MTA2: variants seen among roughly 807,000 people sequenced by gnomAD.
MTA2 encodes metastasis associated 1 family member 2, also known as metastasis-associated protein MTA2.
MTA2 carries 22 observed loss-of-function variants against 87.1 expected under a neutral mutation model. The observed-to-expected ratio is 0.25, with a 90% CI of 0.18 to 0.36. The LOEUF (loss-of-function observed/expected upper bound fraction) is 0.36, where lower values mean the gene tolerates loss of function less well. Among genes scored for constraint, MTA2 ranks in the 10% least tolerant of loss-of-function variants. The probability of loss-of-function intolerance (pLI) is 1.00; values close to 1 mark genes in which losing one functional copy is unlikely to be tolerated. For missense variants in MTA2, 542 were observed against 853.2 expected, an observed-to-expected ratio of 0.64 and a Z score of 4.54; for synonymous variants, 314 against 310.1, an observed-to-expected ratio of 1.01 and a Z score of -0.13.
In MTA2 at chr11:62,595,702, C is replaced by A; in HGVS notation, c.1254+50G>T. The A allele has an allele frequency of 6.2e-7, 1 of 1,603,794 alleles. No individual in the cohort carries two copies. Among genetic ancestry groups the A allele is most frequent in the South Asian group, 1.1e-5 (1 of 89,900 alleles). On this transcript the variant is annotated intron_variant, in intron 13 of 17. Coordinates refer to ENST00000278823, the MANE Select transcript of MTA2 (RefSeq NM_004739.4). This position sits in a 1 kb window ranked among gnomAD's most constrained non-coding sequence, Gnocchi z 4.9. ...TATTCTGGCCTTCACCTAAGCTCAC[C>A]ATCAATATGCTTACTGCTCTCCCCT...
chr11:62,593,680 C>T lies in MTA2; in HGVS notation c.*195G>A, dbSNP rs1301854289. 3.5e-5 allele frequency: 22 copies of T among 637,344 alleles called. No individual in the cohort carries two copies. The Admixed American group carries it at 3.8e-4, about 11-fold the overall frequency. The allele number at this position is 637,344 out of a possible 1,614,324, so 39.5% of individuals were successfully genotyped here. A position where few individuals can be genotyped will look rare whatever the true frequency, so the allele number is the denominator to read the frequency against. On this transcript the variant is annotated 3_prime_UTR_variant, in exon 18 of 18. Transcript: ENST00000278823. ...CAAGTTCCTGCAGTCTGTCCTCCAT[C>T]GGCAAGCATGGAGGCATGAGACAAG...
In MTA2 at chr11:62,595,041, T is replaced by C. The variant is rs1942078860; in HGVS notation, c.1513A>G (p.Thr505Ala). ...ACCAGAGGGTGAATCTTCAATGGAG[T>C]CTTGGCGGCCTTAGGAAGTCGAATG... ...CSIRLPKAAK[T>A]PLKIHPLVRL... The change falls in exon 15 of 18, where the codon ACT (threonine) becomes GCT (alanine). Residue 505 changes from threonine to alanine, a missense_variant. Coordinates refer to ENST00000278823, the MANE Select transcript of MTA2 (RefSeq NM_004739.4). This position sits in a 1 kb window ranked among gnomAD's most constrained non-coding sequence, Gnocchi z 4.9. 2 of 1,613,928 alleles carry C rather than the reference T, an allele frequency of 1.2e-6. No individual in the cohort carries two copies. The highest frequency in any genetic ancestry group is 8.5e-7 in the Non-Finnish European group (1 of 1,180,024).
chr11:62,594,230 C>G, intron 17 of MTA2, 29 bp downstream of exon 17: 1 of 1,613,698 alleles, frequency 6.2e-7, no homozygotes. Context: ...GACTGTCCCT[C>G]TCAGCCCCTC....
Position 62,595,693 on chromosome 11 carries a change from T to G in MTA2, c.1254+59A>C. 4.4e-6 allele frequency: 7 copies of G among 1,600,084 alleles called. No individual in the cohort carries two copies. The highest frequency in any genetic ancestry group is 6.0e-6 in the Non-Finnish European group (7 of 1,171,906). ...AGAGTTGAATATTCTGGCCTTCACC[T>G]AAGCTCACCATCAATATGCTTACTG... On this transcript the variant is annotated intron_variant, in intron 13 of 17. Coordinates refer to ENST00000278823, the MANE Select transcript of MTA2 (RefSeq NM_004739.4). The surrounding 1 kb of genome is among the most constrained non-coding windows in gnomAD (Gnocchi z 4.9).
At position 62,595,445 on chromosome 11, in the gene MTA2, G is replaced by C; in HGVS notation, c.1302C>G (p.Leu434=). 6.2e-7 allele frequency: 1 copy of C among 1,614,248 alleles called. No homozygotes were observed. The highest frequency in any genetic ancestry group is 1.1e-5 in the South Asian group (1 of 91,090). Residue 434 remains leucine (L), a synonymous_variant, in exon 14 of 18, where the codon CTC becomes CTG. Coordinates refer to ENST00000278823, the MANE Select transcript of MTA2 (RefSeq NM_004739.4). This position sits in a 1 kb window ranked among gnomAD's most constrained non-coding sequence, Gnocchi z 4.9. Reference sequence around the variant, plus strand: ...TGTTGGCGCTGGTTGTGTAAGGAGAGAGACTTTGAGCTTCAGGTCTGGATA... The same window carrying C: ...TGTTGGCGCTGGTTGTGTAAGGAGACAGACTTTGAGCTTCAGGTCTGGATA... The part of the protein sequence containing the change: ...GHLSRPEAQS[L]SPYTTSANRA...
intron 15 of MTA2, 90 bp downstream of exon 15, chr11:62,594,891 C>G: frequency 8.3e-7 from 1 of 1,207,064 alleles, no homozygotes; most frequent in Non-Finnish European, 1.2e-6. Flanking sequence ...TCTGAGGACA[C>G]TATGAGGAAG....
chr11:62,594,393 C>G lies in MTA2; in HGVS notation c.1707G>C (p.Gly569=). The change falls in exon 17 of 18, where the codon GGG becomes GGC. Residue 569 remains glycine, a synonymous_variant. Coordinates refer to ENST00000278823, the MANE Select transcript of MTA2 (RefSeq NM_004739.4). ...GCCTTCCATTGGCAGAGAAAGGAAC[C>G]CCTGCCCCTGCCATCTGGAAAAGGG... is the stretch of plus-strand genomic sequence containing the variant. ...KRAYETMAGA[G]VPFSANGRPL... 1.9e-6 allele frequency: 3 copies of G among 1,614,160 alleles called. No homozygotes were observed. The highest frequency in any genetic ancestry group is 1.1e-5 in the South Asian group (1 of 91,082).
chr11:62,597,580 GC>G, intron 7 of MTA2, 29 bp downstream of exon 7: 2 of 1,596,244 alleles, frequency 1.3e-6, no homozygotes, highest in South Asian at 2.2e-5. Context: ...ACCTCCCCCA[GC>G]CCATCTTCCC....
chr11:62,601,825 T>TTCCGGAACACCTTCGGCCGA lies in MTA2; in HGVS notation c.-395_-376dup. 2.0e-6 allele frequency: 1 copy of TTCCGGAACACCTTCGGCCGA among 499,690 alleles called. No homozygotes were observed. Among genetic ancestry groups the TTCCGGAACACCTTCGGCCGA allele is most frequent in the Non-Finnish European group, 3.5e-6 (1 of 286,994 alleles). The allele number at this position is 499,690 out of a possible 1,614,324, so 31.0% of individuals were successfully genotyped here. On this transcript the variant is annotated 5_prime_UTR_variant, in exon 1 of 18. Coordinates refer to ENST00000278823, the MANE Select transcript of MTA2 (RefSeq NM_004739.4). The stretch of plus-strand genomic sequence containing the variant: ...CGGGCCCGCCTCAGGGTTCGCCTCC[T>TTCCGGAACACCTTCGGCCGA]TCCGGAACACCTTCGGCCGATCCGG...
Position 62,595,145 on chromosome 11 carries a change from T to C in MTA2, c.1484-75A>G. 6.4e-7 allele frequency: 1 copy of C among 1,556,880 alleles called. No individual in the cohort carries two copies. The highest frequency in any genetic ancestry group is 8.8e-7 in the Non-Finnish European group (1 of 1,137,270). On this transcript the variant is annotated intron_variant, in intron 14 of 17. Coordinates refer to ENST00000278823, the MANE Select transcript of MTA2 (RefSeq NM_004739.4). The surrounding 1 kb of genome is among the most constrained non-coding windows in gnomAD (Gnocchi z 4.9). ...CTCTAAGGCCAGAAGCCAACTCTAA[T>C]CTTAAAAAAATTATCTGTGGCCTAC...
At chr11:62,599,299 G>C (rs1286222694) in intron 3 of MTA2, 1 of 152,588 alleles carries the variant, frequency 6.6e-6, no homozygotes, top group Middle Eastern at 3.1e-3. Flanking sequence ...CAACCTCAGG[G>C]AGAAGGGGGG....
chr11:62,596,555 G>A (rs1942101607), intron 9 of MTA2, 23 bp from the exon 10 acceptor site: 11 of 1,613,814 alleles, frequency 6.8e-6, no homozygotes, highest in Non-Finnish European at 9.3e-6. Flanking sequence ...GAGGGAGGAA[G>A]AATGAGCTGG....
In MTA2 at chr11:62,595,753, G is replaced by A. The variant is rs1376997390; in HGVS notation, c.1253C>T (p.Thr418Met). 1.9e-5 allele frequency: 30 copies of A among 1,614,006 alleles called. No homozygotes were observed. Among genetic ancestry groups the A allele is most frequent in the South Asian group, 3.3e-5 (3 of 91,072 alleles). The change falls in exon 13 of 18, where the codon ACG becomes ATG. Residue 418 changes from threonine to methionine, a missense_variant and splice_region_variant. Physicochemically the swap from Thr to Met is moderately conservative, Grantham distance 81. Transcript: ENST00000278823. This position sits in a 1 kb window ranked among gnomAD's most constrained non-coding sequence, Gnocchi z 4.9. ...GCTTTTCTTCCCACTGATCCTTACCGTGGTGCCCCGAGTGGCCCCCTCAAG... is the reference window on the plus strand; with the variant it reads ...GCTTTTCTTCCCACTGATCCTTACCATGGTGCCCCGAGTGGCCCCCTCAAG... Reference protein sequence around the residue: ...TQLEGATRGTTEPHSRGHLSR... With the variant: ...TQLEGATRGTMEPHSRGHLSR...
Position 62,594,346 on chromosome 11 carries a change from G to A in MTA2, c.1754C>T (p.Ser585Leu). Residue 585 changes from serine to leucine, a missense_variant, in exon 17 of 18, where the codon TCA becomes TTA. Transcript: ENST00000278823. ...ACGCTTGGCTGCTGGCTGTGAGCTT[G>A]AACGAATCCCTGAAGCCAGAGGCCT... is the stretch of plus-strand genomic sequence containing the variant. Reference protein sequence around the residue: ...NGRPLASGIRSSSQPAAKRQK... With the variant: ...NGRPLASGIRLSSQPAAKRQK... 6.2e-7 allele frequency: 1 copy of A among 1,614,204 alleles called. No homozygotes were observed. The highest frequency in any genetic ancestry group is 8.5e-7 in the Non-Finnish European group (1 of 1,180,044).
In MTA2 at chr11:62,598,243, T is replaced by C. The variant is rs1037466996; in HGVS notation, c.372+84A>G. On this transcript the variant is annotated intron_variant, in intron 5 of 17. Coordinates refer to ENST00000278823, the MANE Select transcript of MTA2 (RefSeq NM_004739.4). ...CATGACCGGCAGTCTGGCAACCCTG[T>C]ACCTCATCATTGTGCTCCTTTCCCC... 3.2e-6 allele frequency: 5 copies of C among 1,559,870 alleles called. No individual in the cohort carries two copies. The Admixed American group carries it at 8.3e-5, about 26-fold the overall frequency.
Position 62,598,111 on chromosome 11 carries a change from G to C in MTA2, c.403C>G (p.Pro135Ala). Residue 135 changes from proline (P) to alanine (A), a missense_variant, in exon 6 of 18, where the codon CCC becomes GCC. Physicochemically the swap from Pro to Ala is conservative, Grantham distance 27 (BLOSUM62 -1). Transcript: ENST00000278823. The stretch of plus-strand genomic sequence containing the variant: ...TCAGCGAGAAGTGTCTTCTGCACGG[G>C]GTCAAACACCAGTGAGTAAAAAAAG... ...DCFFYSLVFD[P>A]VQKTLLADQG... 6.2e-7 allele frequency: 1 copy of C among 1,613,984 alleles called. No individual in the cohort carries two copies. Among genetic ancestry groups the C allele is most frequent in the Non-Finnish European group, 8.5e-7 (1 of 1,180,012 alleles).
At position 62,595,827 on chromosome 11, in the gene MTA2, G is replaced by A. The variant is rs779194192; in HGVS notation, c.1179C>T (p.Ser393=). 23 of 1,614,102 alleles carry A rather than the reference G, an allele frequency of 1.4e-5. No homozygotes were observed. The African/African-American group carries it at 3.1e-4, about 22-fold the overall frequency. Residue 393 remains serine, a synonymous_variant, in exon 13 of 18, where the codon TCC becomes TCT. Transcript: ENST00000278823. This position sits in a 1 kb window ranked among gnomAD's most constrained non-coding sequence, Gnocchi z 4.9. ...CATACTTCTTCCAGTAGATCCAACA[G>A]GAAGCACAGAGGCGGCACTGCATGT... ...PPNMQCRLCA[S]CWIYWKKYGG...
At chr11:62,597,291 C>T (rs374390633) in intron 8 of MTA2, 25 bp downstream of exon 8, 2 of 1,566,484 alleles carry the variant, frequency 1.3e-6, no homozygotes, top group African/African-American at 1.4e-5. Context: ...CCAGCCTGCC[C>T]AACTACCCAC....
chr11:62,597,765 G>C lies in MTA2; in HGVS notation c.491-53C>G. ...GGGAGAGGGCAGGGGGGAACAGTTG[G>C]TGTCTTTTCATTCACAATAGCACCT... On this transcript the variant is annotated intron_variant, in intron 6 of 17. Transcript: ENST00000278823. 4.1e-6 allele frequency: 6 copies of C among 1,470,280 alleles called. No homozygotes were observed. In the South Asian group the frequency reaches 5.8e-5, roughly 14 times the overall value. 91.1% of individuals were successfully genotyped at this position (1,470,280 alleles called of 1,614,324 possible). A position where few individuals can be genotyped will look rare whatever the true frequency, so the allele number is the denominator to read the frequency against.
Sources: gnomAD v4.1 joint callset for allele counts on GRCh38, gnomAD v4.1.1 for gene constraint, Gnocchi (gnomAD v3.1) non-coding constraint, MANE v1.5 for transcripts, NCBI Gene and HGNC (gene_info 2026-07-23, HGNC 2026-07-21) for gene names.